The following PODXL variants were observed in gnomAD, a reference collection of about 807,000 sequenced individuals.
PODXL encodes podocalyxin.
A neutral mutation model predicts 48.9 loss-of-function variants in PODXL; 20 were observed. The ratio of observed to expected loss-of-function variants is 0.41; its 90% CI spans 0.29 to 0.59. PODXL has a LOEUF of 0.59. Ranked by LOEUF, PODXL falls within the 20% of genes least tolerant of loss-of-function variation. PODXL has a pLI of 0.31. For synonymous variants in PODXL, 295 were observed against 287.4 expected (o/e 1.03, Z -0.27); for missense variants, 606 against 675.1 (o/e 0.90, Z 1.13).
chr7:131,536,954 A>C (rs1044286150), intron 1 of PODXL, among the ~76,000 whole-genome samples: 1 of 151,830 alleles, frequency 6.6e-6, no homozygotes, highest in Non-Finnish European at 1.5e-5. Context: ...GTGAAACCCC[A>C]TCTCTACTAA....
At chr7:131,538,103 C>T (rs1484893748) in intron 1 of PODXL, among the ~76,000 whole-genome samples, 1 of 152,186 alleles carries the variant, frequency 6.6e-6, no homozygotes, top group Non-Finnish European at 1.5e-5. Flanking sequence ...ACAGGGCCCA[C>T]TGTGGCCCTG....
At position 131,540,359 on chromosome 7, in the gene PODXL, C is replaced by T. The variant is rs979787097; in HGVS notation, c.100+15901G>A. On this transcript the variant is annotated intron_variant, in intron 1 of 8. Transcript: ENST00000378555. The stretch of plus-strand genomic sequence containing the variant: ...ACAGTGTCTGGCCTATTATGTACCT[C>T]GTTCAGAAAAGGAGAGACAGACTAG... 2.0e-5 allele frequency among the ~76,000 whole-genome samples: 3 copies of T among 152,024 alleles called. No homozygotes were observed. The East Asian group carries it at 5.8e-4, about 29-fold the overall frequency.
At chr7:131,556,238 G>A (rs1237772526) in intron 1 of PODXL, 22 bp downstream of exon 1, 6 of 1,461,766 alleles carry the variant, frequency 4.1e-6, no homozygotes, top group Non-Finnish European at 5.4e-6. Context: ...GAGTCCCGGC[G>A]GAACCCAGGC....
Position 131,510,776 on chromosome 7 carries a change from G to T in PODXL, c.706+52C>A, listed in dbSNP as rs3847113. On this transcript the variant is annotated intron_variant, in intron 2 of 8. Transcript: ENST00000378555. ...GCATGAGCCTTTTCAGAGCCATCAC[G>T]CCTGGCCCTGAAAAGTTTCTTGGTG... 0.47 allele frequency: 751,497 copies of T among 1,605,900 alleles called. 178,326 individuals are homozygous for T. The highest frequency in any genetic ancestry group is 0.6 in the East Asian group (26,798 of 44,660).
chr7:131,545,122 C>T (rs1212850882), intron 1 of PODXL, among the ~76,000 whole-genome samples: 1 of 152,154 alleles, frequency 6.6e-6, no homozygotes, highest in African/African-American at 2.4e-5. Context: ...ACAATGTCTG[C>T]CCCCATCTGG....
At position 131,504,478 on chromosome 7, in the gene PODXL, C is replaced by G; in HGVS notation, c.1510G>C (p.Glu504Gln). Residue 504 changes from glutamate to glutamine, a missense_variant, in exon 9 of 9, where the codon GAG becomes CAG. Glu to Gln is a conservative substitution (Grantham distance 29, BLOSUM62 2). Coordinates refer to ENST00000378555, the MANE Select transcript of PODXL (RefSeq NM_001018111.3). ...GTTGGGTTGTCATGGTAACCATTCT[C>G]CACTGTCTGCAGCTCCTCTGTTAGC... ...QRLTEELQTV[E>Q]NGYHDNPTLE... The G allele has an allele frequency of 6.2e-7, 1 of 1,614,228 alleles. No individual in the cohort carries two copies. Among genetic ancestry groups the G allele is most frequent in the Non-Finnish European group, 8.5e-7 (1 of 1,180,032 alleles).
At chr7:131,545,250 G>A (rs1241014072) in intron 1 of PODXL, among the ~76,000 whole-genome samples, 6 of 152,236 alleles carry the variant, frequency 3.9e-5, no homozygotes, top group Admixed American at 6.5e-5. Context: ...AGCCTGGAAT[G>A]TAACTTGTTC....
intron 1 of PODXL, among the ~76,000 whole-genome samples, chr7:131,525,426 CAAAA>C (rs57927217): frequency 1.9e-4 from 11 of 59,230 alleles, no homozygotes; most frequent in South Asian, 1.5e-3. Flanking sequence ...TCATCTCTAC[CAAAA>C]AAAAAAAAAA....
chr7:131,502,638 CT>C lies in PODXL; in HGVS notation c.*1672del, dbSNP rs1797726542. The C allele has an allele frequency of 6.6e-6, 1 of 152,290 alleles. No homozygotes were observed. The highest frequency in any genetic ancestry group is 1.5e-5 in the Non-Finnish European group (1 of 68,050). The allele number at this position is 152,290 out of a possible 1,614,324, so 9.4% of individuals were successfully genotyped here. ...CCCGAAAAATGGCAATTTCATTCCC[CT>C]AAGCAGTTCTGCCCATTTTCCTACT... On this transcript the variant is annotated 3_prime_UTR_variant, in exon 9 of 9. Transcript: ENST00000378555.
rs780359617 is a variant in PODXL, at chr7:131,511,023, T to A, written c.511A>T (p.Thr171Ser). ...KSSHSVTTDL[T>S]STKAEHLTTP... ...GTCAGATGTTCTGCCTTAGTGGATG[T>A]GAGGTCTGTGGTCACACTGTGGCTG... The change falls in exon 2 of 9, where the codon ACA becomes TCA. Residue 171 changes from threonine (T) to serine (S), a missense_variant. Physicochemically the swap from Thr to Ser is moderately conservative, Grantham distance 58 (BLOSUM62 1). Coordinates refer to ENST00000378555, the MANE Select transcript of PODXL (RefSeq NM_001018111.3). 3.1e-6 allele frequency: 5 copies of A among 1,614,026 alleles called. No homozygotes were observed. Among genetic ancestry groups the A allele is most frequent in the Non-Finnish European group, 4.2e-6 (5 of 1,180,010 alleles).
chr7:131,536,469 C>T (rs905590114), intron 1 of PODXL, among the ~76,000 whole-genome samples: 1 of 152,188 alleles, frequency 6.6e-6, no homozygotes, highest in Admixed American at 6.5e-5. Context: ...CCAGTCCCAA[C>T]AAACACCTGA....
At chr7:131,526,737 C>CTATTTTT in intron 1 of PODXL, among the ~76,000 whole-genome samples, 1 of 27,134 alleles carries the variant, frequency 3.7e-5, no homozygotes, top group Non-Finnish European at 6.4e-5. Flanking sequence ...AACTTCCTTA[C>CTATTTTT]TCTTTTTTTT....
chr7:131,509,744 G>A (rs906044572), intron 3 of PODXL, among the ~76,000 whole-genome samples, 159 bp from the exon 4 acceptor site: 48 of 151,942 alleles, frequency 3.2e-4, no homozygotes, highest in Admixed American at 2.9e-3. Context: ...GGAATAACCC[G>A]GCAAAGTCAC....
intron 1 of PODXL, among the ~76,000 whole-genome samples, chr7:131,514,436 G>A (rs1230308939): frequency 6.6e-6 from 1 of 151,868 alleles, no homozygotes; most frequent in African/African-American, 2.4e-5. Flanking sequence ...GGTGGCGGGG[G>A]GAACAGTGCA....
chr7:131,518,361 T>C (rs1798035792), intron 1 of PODXL, among the ~76,000 whole-genome samples: 2 of 152,192 alleles, frequency 1.3e-5, no homozygotes, highest in African/African-American at 4.8e-5. Context: ...TTGAGGTGGC[T>C]AAAGAATCAA....
chr7:131,506,333 G>A lies in PODXL; in HGVS notation c.1250-12C>T. The stretch of plus-strand genomic sequence containing the variant: ...GGCAGGGAGCTTAGCTGTGGGAGAG[G>A]GAGACGATGCCCAATGGCCCAGCCC... On this transcript the variant is annotated splice_polypyrimidine_tract_variant and intron_variant, in intron 6 of 8. Transcript: ENST00000378555. 6.2e-7 allele frequency: 1 copy of A among 1,614,126 alleles called. No individual in the cohort carries two copies. Among genetic ancestry groups the A allele is most frequent in the South Asian group, 1.1e-5 (1 of 91,080 alleles).
At position 131,509,526 on chromosome 7, in the gene PODXL, T is replaced by G. The variant is rs774842405; in HGVS notation, c.862A>C (p.Thr288Pro). 8 of 1,603,706 alleles carry G rather than the reference T, an allele frequency of 5.0e-6. No individual in the cohort carries two copies. The East Asian group carries it at 1.8e-4, about 36-fold the overall frequency. Residue 288 changes from threonine to proline, a missense_variant, in exon 4 of 9, where the codon ACG (threonine) becomes CCG (proline). Coordinates refer to ENST00000378555, the MANE Select transcript of PODXL (RefSeq NM_001018111.3). ...QTSSQMPASS[T>P]APSSQETVQP... ...ACTGTCTCCTGGGAGGAAGGGGCCG[T>G]AGAGCTGGCTGGCATCTGACTGGAG... is the stretch of plus-strand genomic sequence containing the variant.
intron 1 of PODXL, among the ~76,000 whole-genome samples, chr7:131,542,778 T>C (rs965360166): frequency 1.3e-5 from 2 of 152,202 alleles, no homozygotes; most frequent in Non-Finnish European, 2.9e-5. Flanking sequence ...CTGGAAAGCA[T>C]GTACAGCGCC....
chr7:131,540,614 C>T (rs894079629), intron 1 of PODXL, among the ~76,000 whole-genome samples: 1 of 152,338 alleles, frequency 6.6e-6, no homozygotes, highest in African/African-American at 2.4e-5. Context: ...AGCGCCCGGA[C>T]ATTTGGCACA....
Sources: gnomAD v4.1 joint callset for allele counts (sites outside exome capture counted in the v4.1 genomes callset) on GRCh38, gnomAD v4.1.1 for gene constraint, MANE v1.5 for transcripts, NCBI Gene and HGNC (gene_info 2026-07-23, HGNC 2026-07-21) for gene names.